Variants in NCOA1 observed in about 807,000 individuals in gnomAD.
The protein encoded by NCOA1 is nuclear receptor coactivator 1, also known as Hin-2 protein.
Under a neutral mutation model 150.9 loss-of-function variants are expected in NCOA1, and 35 were observed. The observed-to-expected ratio is 0.23, with a 90% CI of 0.18 to 0.31. NCOA1 has a LOEUF of 0.31. Ranked by LOEUF, NCOA1 falls within the 10% of genes least tolerant of loss-of-function variation. The pLI is 1.00. For missense variants in NCOA1, 1,491 were observed against 1,749.3 expected (o/e 0.85, Z 2.63); for synonymous variants, 590 against 630.0 (o/e 0.94, Z 0.95).
chr2:24,562,659 A>G (rs1414701151), intron 1 of NCOA1, among the ~76,000 whole-genome samples: 1 of 152,132 alleles, frequency 6.6e-6, no homozygotes, highest in Non-Finnish European at 1.5e-5. Context: ...TTGAGACCAT[A>G]ATTTTATAGC....
intron 8 of NCOA1, among the ~76,000 whole-genome samples, chr2:24,686,772 A>C (rs1331622819): frequency 4.6e-5 from 7 of 152,332 alleles, no homozygotes; most frequent in African/African-American, 1.2e-4. Flanking sequence ...GGGTATCTAG[A>C]AAGATCACCT....
intron 19 of NCOA1, among the ~76,000 whole-genome samples, chr2:24,742,907 T>G (rs1663684505): frequency 6.6e-6 from 1 of 152,230 alleles, no homozygotes; most frequent in Non-Finnish European, 1.5e-5. Flanking sequence ...TACTCATTGG[T>G]GTCATCACTC....
chr2:24,704,873 A>G (rs546556857), intron 11 of NCOA1, among the ~76,000 whole-genome samples: 8 of 152,274 alleles, frequency 5.3e-5, no homozygotes, highest in East Asian at 1.9e-4. Context: ...CTATGACTCA[A>G]TTAAAACCTG....
chr2:24,545,745 T>C (rs749150499), intron 1 of NCOA1, among the ~76,000 whole-genome samples: 3 of 152,252 alleles, frequency 2.0e-5, no homozygotes, highest in Non-Finnish European at 4.4e-5. Flanking sequence ...TATGTGGCTC[T>C]AAATTTAACC....
chr2:24,537,267 C>CACACACAG (rs758074745), intron 1 of NCOA1, among the ~76,000 whole-genome samples: 3 of 148,662 alleles, frequency 2.0e-5, no homozygotes, highest in African/African-American at 7.4e-5. Flanking sequence ...CACACACACA[C>CACACACAG]AGACACACAA....
chr2:24,723,822 G>C (rs980736518), intron 14 of NCOA1, among the ~76,000 whole-genome samples: 1 of 152,022 alleles, frequency 6.6e-6, no homozygotes, highest in Non-Finnish European at 1.5e-5. Flanking sequence ...CACTGTAACT[G>C]CTGTGCAGTT....
intron 10 of NCOA1, among the ~76,000 whole-genome samples, chr2:24,696,814 G>A (rs1672920828): frequency 6.6e-6 from 1 of 152,002 alleles, no homozygotes; most frequent in Non-Finnish European, 1.5e-5. Context: ...AGCAATATTG[G>A]TAACGTCAAG....
chr2:24,588,139 C>T (rs190873637), intron 3 of NCOA1, among the ~76,000 whole-genome samples: 2 of 152,118 alleles, frequency 1.3e-5, no homozygotes, highest in East Asian at 3.9e-4. Flanking sequence ...GACTGGAGCA[C>T]AGTAGTGTGA....
intron 8 of NCOA1, among the ~76,000 whole-genome samples, chr2:24,691,008 A>G (rs1328135209): frequency 1.3e-5 from 2 of 152,192 alleles, no homozygotes; most frequent in Non-Finnish European, 1.5e-5. Flanking sequence ...GACTCTGAGA[A>G]AATTGAAATC....
intron 1 of NCOA1, among the ~76,000 whole-genome samples, chr2:24,515,973 T>C (rs1664142822): frequency 6.6e-6 from 1 of 152,144 alleles, no homozygotes; most frequent in African/African-American, 2.4e-5. Flanking sequence ...TTAGTTCTAC[T>C]TCTGCTCTTT....
At chr2:24,494,888 C>T (rs544649430) in intron 1 of NCOA1, among the ~76,000 whole-genome samples, 15 of 152,216 alleles carry the variant, frequency 9.9e-5, no homozygotes, top group African/African-American at 3.6e-4. Context: ...GTAGTTTAGC[C>T]GTTGGTGATT....
chr2:24,589,168 T>A (rs909144973), intron 3 of NCOA1, among the ~76,000 whole-genome samples: 1 of 152,192 alleles, frequency 6.6e-6, no homozygotes, highest in Non-Finnish European at 1.5e-5. Context: ...CTATCTACTG[T>A]CTTTTCTGGT....
At chr2:24,647,339 CT>C (rs1670521889) in intron 4 of NCOA1, among the ~76,000 whole-genome samples, 1 of 152,130 alleles carries the variant, frequency 6.6e-6, no homozygotes, top group Non-Finnish European at 1.5e-5. Context: ...TCCTCTGCCG[CT>C]TAAGTTGTTG....
chr2:24,617,745 A>G (rs1668936186), intron 3 of NCOA1, among the ~76,000 whole-genome samples: 1 of 152,194 alleles, frequency 6.6e-6, no homozygotes, highest in African/African-American at 2.4e-5. Flanking sequence ...GCTTATTCAG[A>G]GAATATAAAC....
At chr2:24,503,916 G>T (rs1007588066) in intron 1 of NCOA1, among the ~76,000 whole-genome samples, 8 of 151,964 alleles carry the variant, frequency 5.3e-5, no homozygotes, top group African/African-American at 1.7e-4. Context: ...TGTGTTTTTA[G>T]TAGAGACGGG....
chr2:24,736,281 G>A (rs1445961512), intron 17 of NCOA1, among the ~76,000 whole-genome samples: 1 of 151,122 alleles, frequency 6.6e-6, no homozygotes, highest in African/African-American at 2.4e-5. Flanking sequence ...CAAAAGATAC[G>A]ATTTTTCCAC....
chr2:24,647,391 A>G, intron 4 of NCOA1, among the ~76,000 whole-genome samples: 1 of 152,164 alleles, frequency 6.6e-6, no homozygotes, highest in Non-Finnish European at 1.5e-5. Flanking sequence ...TTTTCTCGTC[A>G]CTAACATGGA....
chr2:24,649,673 G>C (rs558639075), intron 4 of NCOA1, among the ~76,000 whole-genome samples: 258 of 152,272 alleles, frequency 1.7e-3, no homozygotes, highest in African/African-American at 6.0e-3. Flanking sequence ...TTTAAATGAA[G>C]CCAATATGAG....
intron 3 of NCOA1, among the ~76,000 whole-genome samples, chr2:24,595,286 C>A (rs1275788777): frequency 6.6e-6 from 1 of 152,028 alleles, no homozygotes; most frequent in African/African-American, 2.4e-5. Flanking sequence ...TTCAAACTTA[C>A]TAGCACACCT....
Sources: allele counts gnomAD v4.1 joint callset (sites outside exome capture counted in the v4.1 genomes callset), GRCh38; gene constraint gnomAD v4.1.1; transcripts MANE v1.5; gene names NCBI Gene and HGNC (gene_info 2026-07-23, HGNC 2026-07-21).